The following ERC1 variants were observed in gnomAD, a reference collection of about 807,000 sequenced individuals.
ERC1 encodes the protein RAB6 interacting protein 2.
In ERC1, 56 loss-of-function variants were observed where a neutral mutation model predicts 132.0. That is an observed-to-expected ratio of 0.42 (90% CI 0.34 to 0.53). The LOEUF (loss-of-function observed/expected upper bound fraction) is 0.53, where lower values mean the gene tolerates loss of function less well. Ranked by LOEUF, ERC1 falls within the 20% of genes least tolerant of loss-of-function variation. The probability of loss-of-function intolerance (pLI) is 0.03; values close to 1 mark genes in which losing one functional copy is unlikely to be tolerated. For synonymous variants in ERC1, 478 were observed against 476.1 expected (o/e 1.00, Z -0.05); for missense variants, 1,202 against 1,349.9 (o/e 0.89, Z 1.72).
At chr12:1,245,817 A>G (rs929538236) in intron 13 of ERC1, among the ~76,000 whole-genome samples, 18 of 152,112 alleles carry the variant, frequency 1.2e-4, no homozygotes, top group Non-Finnish European at 2.2e-4. Flanking sequence ...GTTGTATCCT[A>G]TTTCTACCTT....
At chr12:1,334,924 C>A (rs2083185621) in intron 15 of ERC1, among the ~76,000 whole-genome samples, 1 of 152,084 alleles carries the variant, frequency 6.6e-6, no homozygotes, top group Admixed American at 6.5e-5. Context: ...TTTTGTAGTT[C>A]TTCTTGTAGA....
chr12:1,445,539 G>A (rs895961735), intron 18 of ERC1, among the ~76,000 whole-genome samples: 4 of 152,048 alleles, frequency 2.6e-5, no homozygotes, highest in African/African-American at 9.7e-5. Flanking sequence ...CCAGTTGTAC[G>A]CTAGATCTCC....
chr12:1,479,775 C>T (rs558795323), intron 18 of ERC1, among the ~76,000 whole-genome samples: 47 of 152,186 alleles, frequency 3.1e-4, no homozygotes, highest in African/African-American at 8.2e-4. Context: ...GCTCCTGAGG[C>T]GTGTGGAACC....
chr12:1,330,176 G>A (rs1025556896), intron 15 of ERC1, among the ~76,000 whole-genome samples: 4 of 152,066 alleles, frequency 2.6e-5, no homozygotes, highest in African/African-American at 9.7e-5. Flanking sequence ...CACGACAATG[G>A]GAAAAGTCAG....
At chr12:1,225,131 A>G (rs1354065901) in intron 12 of ERC1, among the ~76,000 whole-genome samples, 1 of 151,908 alleles carries the variant, frequency 6.6e-6, no homozygotes, top group Non-Finnish European at 1.5e-5. Flanking sequence ...TTAGCATTTT[A>G]TTATGTCTTT....
At chr12:1,383,638 A>G (rs1465212337) in intron 16 of ERC1, among the ~76,000 whole-genome samples, 1 of 152,222 alleles carries the variant, frequency 6.6e-6, no homozygotes, top group Non-Finnish European at 1.5e-5. Flanking sequence ...TGTCACACAC[A>G]CACAAAAAAA....
chr12:1,192,439 A>C (rs1305026607), intron 12 of ERC1, among the ~76,000 whole-genome samples: 1 of 152,036 alleles, frequency 6.6e-6, no homozygotes, highest in Non-Finnish European at 1.5e-5. Context: ...TTTGCTTCCT[A>C]TGTTGCCATT....
intron 1 of ERC1, among the ~76,000 whole-genome samples, chr12:999,440 T>C (rs923316185): frequency 7.2e-5 from 11 of 152,118 alleles, no homozygotes; most frequent in Non-Finnish European, 1.5e-5. Flanking sequence ...CACTGGGTGC[T>C]TAAGCCGGAA....
Position 1,129,567 on chromosome 12 carries a change from G to A in ERC1, c.1570-12053G>A, listed in dbSNP as rs118114944. ...CTGCTGGGGAGAAAAAATACATTAC[G>A]TGTAAAGGATTAACAATTAGGCCAA... On this transcript the variant is annotated intron_variant, in intron 7 of 18. Transcript: ENST00000360905. 6.5e-3 allele frequency among the ~76,000 whole-genome samples: 997 copies of A among 152,224 alleles called. 21 individuals carry two copies. In the East Asian group the frequency reaches 0.078, roughly 12 times the overall value.
intron 18 of ERC1, among the ~76,000 whole-genome samples, chr12:1,478,865 TTTGTGATTA>T (rs540829827): frequency 3.3e-5 from 5 of 152,134 alleles, no homozygotes; most frequent in Non-Finnish European, 7.4e-5. Context: ...ATTTTTTCTC[TTTGTGATTA>T]TTGCTTTTTG....
chr12:1,002,160 C>CTTTTT lies in ERC1; in HGVS notation c.-157+10867_-157+10871dup, dbSNP rs71055117. Reference sequence around the variant, plus strand: ...CACAGGTGTGAGCCACCATGCCCGGCTTTTTTTTTTTTTTTTTTTTTTTTT... The same window carrying CTTTTT: ...CACAGGTGTGAGCCACCATGCCCGGCTTTTTTTTTTTTTTTTTTTTTTTTTTTTTT... On this transcript the variant is annotated intron_variant, in intron 1 of 18. Transcript: ENST00000360905. Among the ~76,000 whole-genome samples the CTTTTT allele has an allele frequency of 2.6e-3, 99 of 38,484 alleles. 14 individuals are homozygous for CTTTTT. The highest frequency in any genetic ancestry group is 4.3e-3 in the African/African-American group (39 of 9,086). 25.2% of individuals were successfully genotyped at this position (38,484 alleles called of 152,430 possible). A position where few individuals can be genotyped will look rare whatever the true frequency, so the allele number is the denominator to read the frequency against.
At chr12:1,279,720 GCT>G (rs1049055688) in intron 14 of ERC1, among the ~76,000 whole-genome samples, 1 of 147,634 alleles carries the variant, frequency 6.8e-6, no homozygotes, top group African/African-American at 2.5e-5. Flanking sequence ...ACGGAGTCTC[GCT>G]CTGTCGCCCA....
chr12:1,219,519 TTCTC>T (rs949027040), intron 12 of ERC1, among the ~76,000 whole-genome samples: 2 of 152,338 alleles, frequency 1.3e-5, no homozygotes, highest in South Asian at 2.1e-4. Flanking sequence ...TTCCATTCGA[TTCTC>T]TCTATGAACC....
intron 13 of ERC1, among the ~76,000 whole-genome samples, chr12:1,254,462 C>T (rs989264585): frequency 6.6e-6 from 1 of 152,158 alleles, no homozygotes; most frequent in African/African-American, 2.4e-5. Context: ...ATTACTTTGG[C>T]ACCAACCTAA....
intron 18 of ERC1, among the ~76,000 whole-genome samples, chr12:1,489,769 A>G (rs956958082): frequency 5.9e-5 from 9 of 152,130 alleles, no homozygotes; most frequent in African/African-American, 1.7e-4. Flanking sequence ...TGAGATCACC[A>G]TGCCCCTCTC....
rs1459334087 is a variant in ERC1 at position 1,491,234 on chromosome 12, GC to G, written c.*1005del. ...TGCCTTGCCAGCACCCGTGTCCTGA[GC>G]TCCTGCAGCCCAGTGGCTGCTGAAG... On this transcript the variant is annotated 3_prime_UTR_variant, in exon 19 of 19. Transcript: ENST00000360905. 6.0e-5 allele frequency: 14 copies of G among 231,414 alleles called. No homozygotes were observed. Among genetic ancestry groups the G allele is most frequent in the African/African-American group, 8.8e-5 (4 of 45,242 alleles). 14.3% of individuals were successfully genotyped at this position (231,414 alleles called of 1,614,324 possible). A position where few individuals can be genotyped will look rare whatever the true frequency, so the allele number is the denominator to read the frequency against.
intron 14 of ERC1, among the ~76,000 whole-genome samples, chr12:1,272,676 G>A (rs576628518): frequency 1.3e-5 from 2 of 152,142 alleles, no homozygotes; most frequent in African/African-American, 2.4e-5. Context: ...TAGGCCGGGC[G>A]CTGTGGCTTA....
chr12:1,343,414 C>T (rs538327297), intron 15 of ERC1, among the ~76,000 whole-genome samples: 1 of 152,294 alleles, frequency 6.6e-6, no homozygotes, highest in South Asian at 2.1e-4. Context: ...TGGCATGAAA[C>T]TATCCCATAC....
chr12:1,028,494 A>G lies in ERC1; in HGVS notation c.591A>G (p.Glu197=). 6.2e-7 allele frequency: 1 copy of G among 1,614,172 alleles called. No individual in the cohort carries two copies. Among genetic ancestry groups the G allele is most frequent in the Non-Finnish European group, 8.5e-7 (1 of 1,180,012 alleles). The change falls in exon 2 of 19, where the codon GAA becomes GAG. Residue 197 remains glutamate (E), a synonymous_variant. Transcript: ENST00000360905. ...TCTGGAGCCCAGAGCTGAAGAAGGA[A>G]CGAGCCCTGAGAAAAGATGAAGCTT... is the stretch of plus-strand genomic sequence containing the variant. ...KTFWSPELKK[E]RALRKDEASK...
Sources: allele counts gnomAD v4.1 joint callset (sites outside exome capture counted in the v4.1 genomes callset), GRCh38; gene constraint gnomAD v4.1.1; transcripts MANE v1.5; gene names NCBI Gene and HGNC (gene_info 2026-07-23, HGNC 2026-07-21).